Variants in SNTB1 observed in about 807,000 individuals in gnomAD.
SNTB1 encodes the protein beta-1-syntrophin.
SNTB1 carries 36 observed loss-of-function variants against 48.9 expected under a neutral mutation model. The ratio of observed to expected loss-of-function variants is 0.74; its 90% CI spans 0.56 to 0.97. The LOEUF is 0.97. Ranked by LOEUF, SNTB1 falls within the 50% of genes least tolerant of loss-of-function variation. The pLI is 0.00. For synonymous variants in SNTB1, 299 were observed against 294.6 expected, an observed-to-expected ratio of 1.01 and a Z score of -0.15; for missense variants, 786 against 703.4, an observed-to-expected ratio of 1.12 and a Z score of -1.33.
intron 4 of SNTB1, among the ~76,000 whole-genome samples, chr8:120,561,141 A>G (rs1389637322): frequency 6.6e-6 from 1 of 151,936 alleles, no homozygotes; most frequent in Non-Finnish European, 1.5e-5. Flanking sequence ...CAGCCTGACC[A>G]ACATGGTGAA....
chr8:120,768,688 G>A (rs950383805), intron 1 of SNTB1: 6 of 152,222 alleles, frequency 3.9e-5, no homozygotes, highest in Non-Finnish European at 7.3e-5. Flanking sequence ...ATGACGTCCT[G>A]TGAATGTGCT....
At chr8:120,552,111 T>A (rs1815490673) in intron 4 of SNTB1, among the ~76,000 whole-genome samples, 1 of 152,190 alleles carries the variant, frequency 6.6e-6, no homozygotes, top group South Asian at 2.1e-4. Context: ...GCCACTCTCA[T>A]GGAGAATCTT....
chr8:120,755,833 A>G (rs915059524), intron 1 of SNTB1, among the ~76,000 whole-genome samples: 1 of 152,120 alleles, frequency 6.6e-6, no homozygotes, highest in Non-Finnish European at 1.5e-5. Flanking sequence ...TCTCCCAACA[A>G]CCAATAACTG....
intron 5 of SNTB1, among the ~76,000 whole-genome samples, chr8:120,546,205 A>G (rs1815377944): frequency 6.6e-6 from 1 of 152,242 alleles, no homozygotes; most frequent in Non-Finnish European, 1.5e-5. Flanking sequence ...GGTACTAGCC[A>G]CTATGACACC....
intron 1 of SNTB1, among the ~76,000 whole-genome samples, chr8:120,695,470 C>T (rs1818196041): frequency 6.6e-6 from 1 of 152,196 alleles, no homozygotes. Context: ...AGCCGCTAAG[C>T]TCAGGAGGCT....
In SNTB1 at chr8:120,538,340, T is replaced by G; in HGVS notation, c.*537A>C. 1 of 235,258 alleles carries G rather than the reference T, an allele frequency of 4.3e-6. No homozygotes were observed. The highest frequency in any genetic ancestry group is 8.8e-6 in the Non-Finnish European group (1 of 113,594). 14.6% of individuals were successfully genotyped at this position (235,258 alleles called of 1,614,324 possible). A position where few individuals can be genotyped will look rare whatever the true frequency, so the allele number is the denominator to read the frequency against. ...TAAAAAGTAACAGCTGCTTCATACTTAAATAAAAGGTGGGTTTCTATTTGA... is the reference window on the plus strand; with the variant it reads ...TAAAAAGTAACAGCTGCTTCATACTGAAATAAAAGGTGGGTTTCTATTTGA... On this transcript the variant is annotated 3_prime_UTR_variant, in exon 7 of 7. Coordinates refer to ENST00000517992, the MANE Select transcript of SNTB1 (RefSeq NM_021021.4).
intron 3 of SNTB1, among the ~76,000 whole-genome samples, chr8:120,589,335 AT>A (rs1816202173): frequency 6.6e-6 from 1 of 152,098 alleles, no homozygotes; most frequent in Non-Finnish European, 1.5e-5. Flanking sequence ...CTGCTCAGGG[AT>A]TTCCTCCTCC....
chr8:120,635,626 C>CT (rs1353132979), intron 2 of SNTB1: 1 of 174,360 alleles, frequency 5.7e-6, no homozygotes, highest in Admixed American at 6.4e-5. Flanking sequence ...GCTGTTTTGG[C>CT]TTGTCTTGCT....
chr8:120,631,409 G>A lies in SNTB1; in HGVS notation c.996+1035C>T, dbSNP rs537468942. On this transcript the variant is annotated intron_variant, in intron 3 of 6. Transcript: ENST00000517992. Reference sequence around the variant, plus strand: ...GTGTTAAATTTTTAGGCTAAGACCCGCGCATGATCTGCTGCAAACAAAGAA... The same window carrying A: ...GTGTTAAATTTTTAGGCTAAGACCCACGCATGATCTGCTGCAAACAAAGAA... 1.1e-3 allele frequency among the ~76,000 whole-genome samples: 170 copies of A among 152,228 alleles called. 1 individual carries two copies. The highest frequency in any genetic ancestry group is 3.6e-3 in the African/African-American group (149 of 41,520).
In SNTB1 at chr8:120,806,984, C is replaced by A. The variant is rs10105210; in HGVS notation, c.571+4289G>T. ...CAGCGAGGTTCCAGACCATCTCAGG[C>A]AAACATTCCAGGGGAGCACTGCTGA... On this transcript the variant is annotated intron_variant, in intron 1 of 6. Transcript: ENST00000517992. Among the ~76,000 whole-genome samples the A allele has an allele frequency of 2.8e-3, 419 of 152,294 alleles. 1 individual carries two copies. The highest frequency in any genetic ancestry group is 9.7e-3 in the African/African-American group (403 of 41,568).
chr8:120,653,497 T>C (rs888453035), intron 2 of SNTB1, among the ~76,000 whole-genome samples: 5 of 152,184 alleles, frequency 3.3e-5, no homozygotes, highest in Non-Finnish European at 7.3e-5. Flanking sequence ...TGCAGACTTC[T>C]GGTCTACAAA....
intron 2 of SNTB1, among the ~76,000 whole-genome samples, chr8:120,692,754 T>C (rs572583291): frequency 1.1e-4 from 17 of 152,268 alleles, no homozygotes; most frequent in African/African-American, 4.1e-4. Flanking sequence ...CATCTAACCC[T>C]CCAAGTATAC....
intron 1 of SNTB1, among the ~76,000 whole-genome samples, chr8:120,795,861 T>A (rs1460431338): frequency 2.0e-5 from 3 of 152,006 alleles, no homozygotes; most frequent in African/African-American, 7.2e-5. Flanking sequence ...TGCCTTCATG[T>A]TCATATGGCC....
chr8:120,737,413 T>A (rs894717624), intron 1 of SNTB1, among the ~76,000 whole-genome samples: 1 of 152,246 alleles, frequency 6.6e-6, no homozygotes, highest in Non-Finnish European at 1.5e-5. Context: ...CTGTATAGTG[T>A]ATGTTACTTC....
At chr8:120,611,002 C>T (rs1171859699) in intron 3 of SNTB1, among the ~76,000 whole-genome samples, 1 of 152,122 alleles carries the variant, frequency 6.6e-6, no homozygotes, top group Non-Finnish European at 1.5e-5. Context: ...GGAAAACAGA[C>T]AAAGGTTAGT....
intron 2 of SNTB1, chr8:120,637,763 G>T: frequency 2.6e-6 from 1 of 386,742 alleles, no homozygotes; most frequent in South Asian, 2.2e-5. Context: ...AAGACATTCT[G>T]TAATGTTTCT....
At chr8:120,748,284 T>G (rs1819159011) in intron 1 of SNTB1, among the ~76,000 whole-genome samples, 1 of 152,210 alleles carries the variant, frequency 6.6e-6, no homozygotes, top group Non-Finnish European at 1.5e-5. Context: ...GGAGTGGGTT[T>G]TTTTTCCTCC....
At chr8:120,696,368 A>G (rs952739429) in intron 1 of SNTB1, among the ~76,000 whole-genome samples, 2 of 152,208 alleles carry the variant, frequency 1.3e-5, no homozygotes, top group East Asian at 3.9e-4. Context: ...GCTCTGCTTT[A>G]TAATTTTTAT....
chr8:120,736,680 A>T (rs1255350473), intron 1 of SNTB1, among the ~76,000 whole-genome samples: 1 of 152,226 alleles, frequency 6.6e-6, no homozygotes, highest in African/African-American at 2.4e-5. Flanking sequence ...CTCCCCAGGG[A>T]TTGCCAACCG....
Sources: gnomAD v4.1 joint callset for allele counts (sites outside exome capture counted in the v4.1 genomes callset) on GRCh38, gnomAD v4.1.1 for gene constraint, MANE v1.5 for transcripts, NCBI Gene and HGNC (gene_info 2026-07-23, HGNC 2026-07-21) for gene names.